Variants in TMPRSS11A observed in about 807,000 individuals in gnomAD.
TMPRSS11A encodes the protein transmembrane protease serine 11A.
A neutral mutation model predicts 58.9 loss-of-function variants in TMPRSS11A; 53 were observed. The ratio of observed to expected loss-of-function variants is 0.90; its 90% CI spans 0.72 to 1.13. The LOEUF is 1.13. Among genes scored for constraint, TMPRSS11A ranks in the 50% most tolerant of loss-of-function variants. The pLI, the probability that TMPRSS11A is intolerant of heterozygous loss-of-function variation, is 0.00. For missense variants in TMPRSS11A, 493 were observed against 499.3 expected, an observed-to-expected ratio of 0.99 and a Z score of 0.12; for synonymous variants, 167 against 169.8, an observed-to-expected ratio of 0.98 and a Z score of 0.13.
intron 7 of TMPRSS11A, 147 bp downstream of exon 7, chr4:67,922,608 A>T (rs2109740927): frequency 1.4e-6 from 1 of 716,458 alleles, no homozygotes; most frequent in Non-Finnish European, 2.2e-6. Flanking sequence ...TAAGTATGCA[A>T]GTGTAACATT....
At position 67,910,468 on chromosome 4, in the gene TMPRSS11A, C is replaced by G. The variant is rs1719936036; in HGVS notation, c.*874G>C. 6.6e-6 allele frequency: 1 copy of G among 151,870 alleles called. No homozygotes were observed. The highest frequency in any genetic ancestry group is 2.4e-5 in the African/African-American group (1 of 41,348). The allele number at this position is 151,870 out of a possible 1,614,324, so 9.4% of individuals were successfully genotyped here. On this transcript the variant is annotated 3_prime_UTR_variant, in exon 10 of 10. Coordinates refer to ENST00000508048, the MANE Select transcript of TMPRSS11A (RefSeq NM_001114387.2). ...ATGCTTATTTTTTTCAGGCATTTAA[C>G]CCTACAATAATAATGCACAAAATTT...
intron 7 of TMPRSS11A, among the ~76,000 whole-genome samples, chr4:67,921,281 C>A (rs986224141): frequency 6.6e-6 from 1 of 152,220 alleles, no homozygotes; most frequent in Non-Finnish European, 1.5e-5. Context: ...TATCAGCTTA[C>A]TGAGCTCTCA....
At chr4:67,930,874 C>T (rs1189287385) in intron 4 of TMPRSS11A, among the ~76,000 whole-genome samples, 1 of 138,334 alleles carries the variant, frequency 7.2e-6, no homozygotes, top group Non-Finnish European at 1.5e-5. Context: ...GCCCATCTCC[C>T]TGAATCTTTT....
chr4:67,923,194 C>T (rs1316929562), intron 6 of TMPRSS11A, among the ~76,000 whole-genome samples: 1 of 152,170 alleles, frequency 6.6e-6, no homozygotes, highest in Non-Finnish European at 1.5e-5. Flanking sequence ...TATTTTCATA[C>T]TTCCTGATTT....
chr4:67,952,739 T>C (rs1186613748), intron 1 of TMPRSS11A, among the ~76,000 whole-genome samples: 1 of 152,250 alleles, frequency 6.6e-6, no homozygotes, highest in African/African-American at 2.4e-5. Flanking sequence ...AAATATTCTC[T>C]ATATGTTTTA....
At chr4:67,936,036 A>C (rs1720744654) in intron 3 of TMPRSS11A, among the ~76,000 whole-genome samples, 1 of 152,112 alleles carries the variant, frequency 6.6e-6, no homozygotes, top group African/African-American at 2.4e-5. Context: ...GTTTCATAGA[A>C]GAGGAAGTGA....
intron 6 of TMPRSS11A, 72 bp from the exon 7 acceptor site, chr4:67,922,998 G>A (rs1378535824): frequency 6.6e-7 from 1 of 1,513,620 alleles, no homozygotes; most frequent in Non-Finnish European, 9.1e-7. Context: ...ATTCTTACTT[G>A]CCTGAAGACA....
chr4:67,949,336 A>G (rs1448409122), intron 1 of TMPRSS11A, among the ~76,000 whole-genome samples: 6 of 152,200 alleles, frequency 3.9e-5, no homozygotes, highest in Non-Finnish European at 1.5e-5. Context: ...ATCCCACGGA[A>G]GAAGCTGTGA....
At chr4:67,950,642 C>T (rs1229973788) in intron 1 of TMPRSS11A, among the ~76,000 whole-genome samples, 2 of 152,152 alleles carry the variant, frequency 1.3e-5, no homozygotes, top group South Asian at 2.1e-4. Flanking sequence ...ATTCTGCCTA[C>T]CATAACTGAA....
At chr4:67,922,545 G>C (rs754208129) in intron 7 of TMPRSS11A, among the ~76,000 whole-genome samples, 5 of 152,188 alleles carry the variant, frequency 3.3e-5, no homozygotes, top group Non-Finnish European at 7.4e-5. Flanking sequence ...TTGAGGAAAT[G>C]ATTGATGGAT....
At chr4:67,928,704 C>T (rs750958057) in intron 5 of TMPRSS11A, among the ~76,000 whole-genome samples, 2 of 152,220 alleles carry the variant, frequency 1.3e-5, no homozygotes, top group Admixed American at 6.5e-5. Flanking sequence ...GTAGCTGACT[C>T]GTTCTCACAT....
intron 3 of TMPRSS11A, 96 bp downstream of exon 3, chr4:67,944,423 C>T (rs774651125): frequency 5.8e-6 from 8 of 1,371,504 alleles, no homozygotes; most frequent in East Asian, 2.3e-5. Flanking sequence ...CTAATGTTGG[C>T]GGTCTGAAAA....
At chr4:67,914,514 A>G (rs1439002830) in intron 9 of TMPRSS11A, 74 bp downstream of exon 9, 26 of 1,392,444 alleles carry the variant, frequency 1.9e-5, no homozygotes, top group Non-Finnish European at 2.4e-5. Flanking sequence ...GTCCTTATGT[A>G]AAGAACATAT....
intron 7 of TMPRSS11A, among the ~76,000 whole-genome samples, chr4:67,920,860 A>G (rs1487007183): frequency 2.0e-5 from 3 of 152,174 alleles, no homozygotes; most frequent in Non-Finnish European, 4.4e-5. Flanking sequence ...TGGTATACAT[A>G]CACCATGGAA....
chr4:67,936,586 A>G (rs1364056381), intron 3 of TMPRSS11A, among the ~76,000 whole-genome samples: 1 of 152,128 alleles, frequency 6.6e-6, no homozygotes, highest in Non-Finnish European at 1.5e-5. Flanking sequence ...CAAAAAGGTA[A>G]TCAGATCATC....
rs566455651 is a variant in TMPRSS11A at position 67,939,861 on chromosome 4, G to A, written c.252+4658C>T. ...CTGCCACCATGCCCGGCTAATTTTC[G>A]TATTTTTAATACAGATGGGGTTTCA... On this transcript the variant is annotated intron_variant, in intron 3 of 9. Coordinates refer to ENST00000508048, the MANE Select transcript of TMPRSS11A (RefSeq NM_001114387.2). Among the ~76,000 whole-genome samples the A allele has an allele frequency of 5.3e-5, 8 of 151,992 alleles. No homozygotes were observed. The South Asian group carries it at 6.2e-4, about 12-fold the overall frequency.
chr4:67,924,843 C>T (rs1015690598), intron 5 of TMPRSS11A, among the ~76,000 whole-genome samples: 5 of 152,088 alleles, frequency 3.3e-5, no homozygotes, highest in East Asian at 1.9e-4. Context: ...GGCTACAATT[C>T]GAGATGAGAT....
chr4:67,949,550 G>A (rs1002582085), intron 1 of TMPRSS11A, among the ~76,000 whole-genome samples: 1 of 152,092 alleles, frequency 6.6e-6, no homozygotes, highest in South Asian at 2.1e-4. Flanking sequence ...TATAAACAAG[G>A]AATACGTAAA....
chr4:67,911,409 TC>T lies in TMPRSS11A; in HGVS notation c.1189del (p.Asp397ThrfsTer9), dbSNP rs762005747. On this transcript the variant is annotated frameshift_variant, in exon 10 of 10. Coordinates refer to ENST00000508048, the MANE Select transcript of TMPRSS11A (RefSeq NM_001114387.2). LOFTEE classifies it high-confidence loss of function. Reference protein sequence around the residue: ...VSWGDNCGQKDKPGVYTQVTY... With the variant: ...VSWGDNCGQKXKPGVYTQVTY... Reference sequence around the variant, plus strand: ...CACTTGTGTGTAGACTCCAGGCTTGTCCTTTTGACCACAGTTATCTCCCCAG... The same window carrying T: ...CACTTGTGTGTAGACTCCAGGCTTGTCTTTTGACCACAGTTATCTCCCCAG... 10 of 1,613,532 alleles carry T rather than the reference TC, an allele frequency of 6.2e-6. No homozygotes were observed. Among genetic ancestry groups the T allele is most frequent in the Admixed American group, 1.7e-5 (1 of 59,976 alleles).
Sources: gnomAD v4.1 joint callset for allele counts (sites outside exome capture counted in the v4.1 genomes callset) on GRCh38, gnomAD v4.1.1 for gene constraint, MANE v1.5 for transcripts, NCBI Gene and HGNC (gene_info 2026-07-23, HGNC 2026-07-21) for gene names.